VIPR2: variants seen among roughly 807,000 people sequenced by gnomAD.
The protein encoded by VIPR2 is vasoactive intestinal peptide receptor 2, also known as vasoactive intestinal polypeptide receptor 2.
A neutral mutation model predicts 58.0 loss-of-function variants in VIPR2; 48 were observed. That is an observed-to-expected ratio of 0.83 (90% CI 0.66 to 1.05). The LOEUF (loss-of-function observed/expected upper bound fraction) is 1.05, where lower values mean the gene tolerates loss of function less well. Ranked by LOEUF, VIPR2 falls within the 50% of genes least tolerant of loss-of-function variation. The pLI, the probability that VIPR2 is intolerant of heterozygous loss-of-function variation, is 0.00. For synonymous variants in VIPR2, 243 were observed against 235.2 expected (o/e 1.03, Z -0.30); for missense variants, 534 against 558.0 (o/e 0.96, Z 0.43).
At chr7:159,058,407 G>A (rs1855446018) in intron 5 of VIPR2, 74 bp downstream of exon 5, 1 of 1,274,448 alleles carries the variant, frequency 7.8e-7, no homozygotes, top group African/African-American at 1.5e-5. Context: ...CAGGCTGGGT[G>A]GCGCCTAGAA....
chr7:159,139,571 A>C (rs1318538409), intron 2 of VIPR2, among the ~76,000 whole-genome samples: 2 of 152,188 alleles, frequency 1.3e-5, no homozygotes, highest in Non-Finnish European at 2.9e-5. Flanking sequence ...TTAGTTCAGC[A>C]TCCATTGTTT....
Position 159,030,302 on chromosome 7 carries a change from C to T in VIPR2, c.*314G>A. On this transcript the variant is annotated 3_prime_UTR_variant, in exon 13 of 13. Coordinates refer to ENST00000262178, the MANE Select transcript of VIPR2 (RefSeq NM_003382.5). ...AGCTTGCAGGGAGCAGAGATCAGGC[C>T]ACTGCAGTCCAGCCTGGGCGACAGA... 1 of 291,718 alleles carries T rather than the reference C, an allele frequency of 3.4e-6. No individual in the cohort carries two copies. 18.1% of individuals were successfully genotyped at this position (291,718 alleles called of 1,614,324 possible). A position where few individuals can be genotyped will look rare whatever the true frequency, so the allele number is the denominator to read the frequency against.
At position 159,104,370 on chromosome 7, in the gene VIPR2, C is replaced by T. The variant is rs572712144; in HGVS notation, c.260-516G>A. Among the ~76,000 whole-genome samples the T allele has an allele frequency of 5.2e-4, 77 of 148,964 alleles. 1 individual carries two copies. Among genetic ancestry groups the T allele is most frequent in the African/African-American group, 1.7e-3 (68 of 40,282 alleles). ...TCGCCACTGACGGTGACCAGATGCC[C>T]CACTGCTCCAGTTCCCAACAGCACG... On this transcript the variant is annotated intron_variant, in intron 3 of 12. Transcript: ENST00000262178.
intron 2 of VIPR2, among the ~76,000 whole-genome samples, chr7:159,124,926 G>C (rs191482922): frequency 6.6e-6 from 1 of 152,178 alleles, no homozygotes; most frequent in South Asian, 2.1e-4. Flanking sequence ...TCCTGATTTG[G>C]CTCCTAGTTT....
At chr7:159,124,687 G>A (rs1796591923) in intron 2 of VIPR2, among the ~76,000 whole-genome samples, 1 of 152,136 alleles carries the variant, frequency 6.6e-6, no homozygotes, top group East Asian at 1.9e-4. Context: ...GAAGAATACT[G>A]TTAGTAGTTT....
intron 4 of VIPR2, among the ~76,000 whole-genome samples, chr7:159,061,085 T>C (rs1221792038): frequency 6.6e-6 from 1 of 152,102 alleles, no homozygotes; most frequent in African/African-American, 2.4e-5. Flanking sequence ...TGAAGCACCA[T>C]GGAGGCAGCT....
chr7:159,035,365 G>GT (rs1853865156), intron 8 of VIPR2, among the ~76,000 whole-genome samples: 1 of 152,240 alleles, frequency 6.6e-6, no homozygotes, highest in South Asian at 2.1e-4. Context: ...GAATCACACC[G>GT]TAACTAGACG....
chr7:159,055,132 A>G (rs1855233350), intron 5 of VIPR2, among the ~76,000 whole-genome samples: 1 of 152,234 alleles, frequency 6.6e-6, no homozygotes, highest in South Asian at 2.1e-4. Flanking sequence ...ACTATACAGC[A>G]AGAAAATAAA....
intron 2 of VIPR2, among the ~76,000 whole-genome samples, chr7:159,141,347 G>A (rs1359496845): frequency 6.6e-6 from 1 of 152,284 alleles, no homozygotes; most frequent in East Asian, 1.9e-4. Flanking sequence ...GCCGGAAGAA[G>A]CCTCGGAGGC....
chr7:159,134,590 T>C (rs1057374828), intron 2 of VIPR2, among the ~76,000 whole-genome samples: 13 of 152,146 alleles, frequency 8.5e-5, no homozygotes, highest in Non-Finnish European at 1.5e-4. Flanking sequence ...TATTTATAAG[T>C]TTTTGTTAAA....
rs576556856 is a variant in VIPR2, at chr7:159,033,828, C to A, written c.971+385G>T. Among the ~76,000 whole-genome samples the A allele has an allele frequency of 2.6e-5, 4 of 152,224 alleles. No homozygotes were observed. In the South Asian group the frequency reaches 6.2e-4, roughly 24 times the overall value. ...ACAGGCTGTATAACATGTAAGTGGG[C>A]GGATGCTTAAACAAGCAAGTTCACT... On this transcript the variant is annotated intron_variant, in intron 10 of 12. Coordinates refer to ENST00000262178, the MANE Select transcript of VIPR2 (RefSeq NM_003382.5).
intron 5 of VIPR2, among the ~76,000 whole-genome samples, chr7:159,047,520 A>G (rs766903431): frequency 1.8e-5 from 2 of 110,682 alleles, no homozygotes; most frequent in East Asian, 5.9e-4. Flanking sequence ...TATGACAGAC[A>G]CTGCTCCAGC....
chr7:159,100,410 C>T (rs183309725), intron 4 of VIPR2, among the ~76,000 whole-genome samples: 3,307 of 149,002 alleles, frequency 0.022, 133 homozygotes, highest in African/African-American at 0.078. Flanking sequence ...CAGTAACACC[C>T]GCCAATGCCA....
chr7:159,086,926 A>T (rs1857207955), intron 4 of VIPR2, among the ~76,000 whole-genome samples: 1 of 152,230 alleles, frequency 6.6e-6, no homozygotes, highest in South Asian at 2.1e-4. Context: ...ATAAAACATC[A>T]GCTCTTACCT....
At chr7:159,057,365 G>A (rs960373173) in intron 5 of VIPR2, among the ~76,000 whole-genome samples, 1 of 152,164 alleles carries the variant, frequency 6.6e-6, no homozygotes, top group African/African-American at 2.4e-5. Flanking sequence ...TTTTCAAAGT[G>A]CAGCCCTGTA....
intron 4 of VIPR2, chr7:159,059,311 T>G (rs1159874696): frequency 2.1e-6 from 1 of 471,312 alleles, no homozygotes; most frequent in South Asian, 1.5e-5. Context: ...CACTCGCCAC[T>G]CCCAAAGGCC....
intron 2 of VIPR2, among the ~76,000 whole-genome samples, chr7:159,136,881 G>A (rs1349188268): frequency 6.6e-6 from 1 of 152,170 alleles, no homozygotes; most frequent in Non-Finnish European, 1.5e-5. Flanking sequence ...CCCACCAGCA[G>A]GACAGGAAGC....
intron 5 of VIPR2, among the ~76,000 whole-genome samples, chr7:159,057,623 A>C (rs1362353209): frequency 6.6e-6 from 1 of 152,168 alleles, no homozygotes; most frequent in Non-Finnish European, 1.5e-5. Context: ...TAGCAAAGAG[A>C]AATAAAATAT....
chr7:159,050,945 C>T (rs1314465784), intron 5 of VIPR2, among the ~76,000 whole-genome samples: 2 of 152,206 alleles, frequency 1.3e-5, no homozygotes, highest in Non-Finnish European at 2.9e-5. Flanking sequence ...GAAGAGGTCA[C>T]GACGTACATC....
Sources: allele counts gnomAD v4.1 joint callset (sites outside exome capture counted in the v4.1 genomes callset), GRCh38; gene constraint gnomAD v4.1.1; transcripts MANE v1.5; gene names NCBI Gene and HGNC (gene_info 2026-07-23, HGNC 2026-07-21).